Variants in PTPRZ1 observed in about 807,000 individuals in gnomAD.
PTPRZ1 encodes the protein receptor-type tyrosine-protein phosphatase zeta.
A neutral mutation model predicts 214.1 loss-of-function variants in PTPRZ1; 82 were observed. That is an observed-to-expected ratio of 0.38 (90% confidence interval 0.32 to 0.46). The LOEUF (loss-of-function observed/expected upper bound fraction) is 0.46, where lower values mean the gene tolerates loss of function less well. Among genes scored for constraint, PTPRZ1 ranks in the 20% least tolerant of loss-of-function variants. The pLI is 1.00. For synonymous variants in PTPRZ1, 945 were observed against 987.9 expected (o/e 0.96, Z 0.81); for missense variants, 2,603 against 2,748.7 (o/e 0.95, Z 1.19).
At chr7:121,911,966 T>C (rs891511855) in intron 1 of PTPRZ1, among the ~76,000 whole-genome samples, 1 of 152,136 alleles carries the variant, frequency 6.6e-6, no homozygotes, top group Non-Finnish European at 1.5e-5. Context: ...CTAATAAAAG[T>C]AGACCTGTTT....
chr7:122,029,786 TATG>T (rs1339635835), intron 14 of PTPRZ1, among the ~76,000 whole-genome samples: 2 of 151,632 alleles, frequency 1.3e-5, no homozygotes, highest in Non-Finnish European at 2.9e-5. Context: ...TATATTTAAC[TATG>T]ATATTTTCTT....
intron 14 of PTPRZ1, among the ~76,000 whole-genome samples, chr7:122,029,538 A>C (rs1207999673): frequency 1.3e-5 from 2 of 151,942 alleles, no homozygotes; most frequent in Non-Finnish European, 2.9e-5. Context: ...GAAGTTAAGA[A>C]AGTAGGGATA....
chr7:121,951,972 T>A (rs1032230890), intron 2 of PTPRZ1, among the ~76,000 whole-genome samples: 18 of 151,898 alleles, frequency 1.2e-4, no homozygotes, highest in Middle Eastern at 3.4e-3. Context: ...TATTTTTTTT[T>A]TTTTGAGACG....
At chr7:121,992,888 C>G (rs1224581580) in intron 8 of PTPRZ1, among the ~76,000 whole-genome samples, 3 of 152,192 alleles carry the variant, frequency 2.0e-5, no homozygotes, top group Non-Finnish European at 4.4e-5. Context: ...TTGCTCACTG[C>G]TCATGTATGG....
intron 1 of PTPRZ1, chr7:121,908,780 C>T (rs754038325): frequency 4.3e-5 from 21 of 494,090 alleles, no homozygotes; most frequent in Non-Finnish European, 7.6e-5. Context: ...ATTAATAGTG[C>T]TACTCATCTT....
chr7:121,888,549 A>G (rs1794477753), intron 1 of PTPRZ1, among the ~76,000 whole-genome samples: 1 of 152,144 alleles, frequency 6.6e-6, no homozygotes, highest in Non-Finnish European at 1.5e-5. Context: ...TCCCTGTCAG[A>G]ATTAGAATTA....
At chr7:121,988,474 G>A (rs1296545011) in intron 8 of PTPRZ1, among the ~76,000 whole-genome samples, 1 of 152,112 alleles carries the variant, frequency 6.6e-6, no homozygotes, top group Non-Finnish European at 1.5e-5. Context: ...ATGCCCTTAT[G>A]CGTATAGGGC....
intron 8 of PTPRZ1, among the ~76,000 whole-genome samples, chr7:121,988,747 G>T (rs1240201725): frequency 2.0e-5 from 3 of 152,174 alleles, no homozygotes; most frequent in Non-Finnish European, 1.5e-5. Flanking sequence ...AGCCTCTGGG[G>T]TTAAAAAGAG....
Position 122,051,494 on chromosome 7 carries a change from A to C in PTPRZ1, c.6151A>C (p.Lys2051Gln). The C allele has an allele frequency of 6.2e-7, 1 of 1,613,730 alleles. No individual in the cohort carries two copies. Among genetic ancestry groups the C allele is most frequent in the Non-Finnish European group, 8.5e-7 (1 of 1,179,700 alleles). ...AGCCCTAAAGCAATGCAACAGGGAA[A>C]AGAATCGAACTTCTTCTATCATCCC... ...SAALKQCNRE[K>Q]NRTSSIIPVE... The change falls in exon 24 of 30, where the codon AAG becomes CAG. Residue 2051 changes from lysine (K) to glutamine (Q), a missense_variant. Around this residue, in one of 6 missense-constraint regions of PTPRZ1, gnomAD observed 134 missense variants for 183.3 expected, o/e 0.73. Transcript: ENST00000393386.
chr7:122,022,163 T>C (rs1282803812), intron 13 of PTPRZ1, among the ~76,000 whole-genome samples: 1 of 152,216 alleles, frequency 6.6e-6, no homozygotes, highest in Non-Finnish European at 1.5e-5. Flanking sequence ...ATATTTAAAC[T>C]TTTTTAAACA....
At chr7:121,950,504 G>A (rs950890389) in intron 2 of PTPRZ1, among the ~76,000 whole-genome samples, 1 of 152,198 alleles carries the variant, frequency 6.6e-6, no homozygotes, top group Non-Finnish European at 1.5e-5. Context: ...GGCTTGCAAT[G>A]AAATACAGAA....
At chr7:121,886,463 AACACACACACACAC>A (rs148244179) in intron 1 of PTPRZ1, among the ~76,000 whole-genome samples, 2 of 147,924 alleles carry the variant, frequency 1.4e-5, no homozygotes, top group Non-Finnish European at 1.5e-5. Context: ...TATTAAATGT[AACACACACACACAC>A]ACACACACAC....
At position 121,873,378 on chromosome 7, in the gene PTPRZ1, T is replaced by G. The variant is rs554954839; in HGVS notation, c.-122T>G. The G allele has an allele frequency of 1.0e-5, 9 of 903,410 alleles. No homozygotes were observed. The South Asian group carries it at 1.4e-4, about 14-fold the overall frequency. The allele number at this position is 903,410 out of a possible 1,614,324, so 56.0% of individuals were successfully genotyped here. On this transcript the variant is annotated 5_prime_UTR_variant, in exon 1 of 30. Transcript: ENST00000393386. ...CACACATACGCACGCACGATCTCAC[T>G]TCGATCTATACACTGGAGGATTAAA...
intron 11 of PTPRZ1, among the ~76,000 whole-genome samples, chr7:122,006,390 G>A (rs144156005): frequency 2.9e-4 from 44 of 151,878 alleles, no homozygotes; most frequent in African/African-American, 9.7e-4. Context: ...TCTGCCTGTC[G>A]CCCCCTCGCC....
intron 12 of PTPRZ1, among the ~76,000 whole-genome samples, chr7:122,017,555 A>ATTTATTTG (rs1433384337): frequency 1.3e-5 from 2 of 148,938 alleles, no homozygotes; most frequent in Non-Finnish European, 3.0e-5. Flanking sequence ...TTATTTATTT[A>ATTTATTTG]TTTATTTATT....
rs1562876454 is a variant in PTPRZ1, at chr7:122,038,722, T to C, written c.5368-33T>C. 1.9e-6 allele frequency: 3 copies of C among 1,604,988 alleles called. No individual in the cohort carries two copies. In the East Asian group the frequency reaches 6.7e-5, roughly 36 times the overall value. On this transcript the variant is annotated intron_variant, in intron 18 of 29. Transcript: ENST00000393386. ...CAGTTAAAGATGACATATAAATCAG[T>C]TAGTAGGAAACATTTGTCATTTAAT...
chr7:122,010,766 T>C lies in PTPRZ1; in HGVS notation c.1720T>C (p.Leu574=). 6.2e-7 allele frequency: 1 copy of C among 1,614,028 alleles called. No individual in the cohort carries two copies. Among genetic ancestry groups the C allele is most frequent in the Non-Finnish European group, 8.5e-7 (1 of 1,179,980 alleles). ...AACAGAATATGAGGAGGAGAGTTTA[T>C]TGACCAGTTTCAAGCTTGATACTGG... is the stretch of plus-strand genomic sequence containing the variant. ...SITEYEEESL[L]TSFKLDTGAE... The change falls in exon 12 of 30, where the codon TTG becomes CTG. Residue 574 remains leucine, a synonymous_variant. Transcript: ENST00000393386.
chr7:121,989,375 G>GTTTT (rs11395654), intron 8 of PTPRZ1, among the ~76,000 whole-genome samples: 4 of 137,432 alleles, frequency 2.9e-5, no homozygotes, highest in East Asian at 2.1e-4. Context: ...TCCTATGAAA[G>GTTTT]TTTTTTTTTT....
intron 2 of PTPRZ1, among the ~76,000 whole-genome samples, chr7:121,963,977 C>G (rs1305423358): frequency 6.6e-6 from 1 of 152,038 alleles, no homozygotes; most frequent in South Asian, 2.1e-4. Flanking sequence ...TCTCTGATAC[C>G]TAGCCATAAA....
Sources: gnomAD v4.1 joint callset for allele counts (sites outside exome capture counted in the v4.1 genomes callset) on GRCh38, gnomAD v4.1.1 for gene constraint, gnomAD v4.1.1 regional missense constraint, MANE v1.5 for transcripts, NCBI Gene and HGNC (gene_info 2026-07-23, HGNC 2026-07-21) for gene names.